CAPN13: variants seen among roughly 807,000 people sequenced by gnomAD.
CAPN13 encodes calpain-13.
Under a neutral mutation model 98.4 loss-of-function variants are expected in CAPN13, and 90 were observed. That is an observed-to-expected ratio of 0.92 (90% CI 0.77 to 1.09). The LOEUF (loss-of-function observed/expected upper bound fraction) is 1.09. Among genes scored for constraint, CAPN13 ranks in the 50% least tolerant of loss-of-function variants. CAPN13 has a pLI of 0.00. For synonymous variants in CAPN13, 330 were observed against 305.5 expected (o/e 1.08, Z -0.84); for missense variants, 887 against 841.3 (o/e 1.05, Z -0.67).
chr2:30,777,841 A>T (rs577037311), intron 2 of CAPN13, among the ~76,000 whole-genome samples: 1 of 152,200 alleles, frequency 6.6e-6, no homozygotes, highest in Non-Finnish European at 1.5e-5. Flanking sequence ...TGTAACTGAC[A>T]AGACAGGCCA....
intron 15 of CAPN13, among the ~76,000 whole-genome samples, chr2:30,739,642 T>C (rs546117747): frequency 3.6e-4 from 55 of 152,288 alleles, no homozygotes; most frequent in Non-Finnish European, 5.9e-4. Context: ...GCAGTTAGCA[T>C]GCTAATGAGG....
intron 20 of CAPN13, among the ~76,000 whole-genome samples, 180 bp from the exon 21 acceptor site, chr2:30,731,579 C>T (rs186543307): frequency 1.8e-4 from 28 of 152,258 alleles, no homozygotes; most frequent in Admixed American, 6.5e-4. Context: ...CTGCACGGGG[C>T]GAGTGGCTCA....
In CAPN13 at chr2:30,743,408, A is replaced by T. The variant is rs761622375; in HGVS notation, c.1420T>A (p.Phe474Ile). Residue 474 changes from phenylalanine to isoleucine, a missense_variant, in exon 13 of 23, where the codon TTC becomes ATC. Coordinates refer to ENST00000295055, the MANE Select transcript of CAPN13 (RefSeq NM_144575.3). ...CTGTCACTGTCTGGCATTTTCAGGA[A>T]GATTCGGAGCAAGAACTCCGCTGAT... ...RKSAEFLLRI[F>I]LKMPDSDRHL... 1.3e-5 allele frequency: 21 copies of T among 1,614,014 alleles called. No homozygotes were observed. The highest frequency in any genetic ancestry group is 1.8e-5 in the Non-Finnish European group (21 of 1,179,836).
intron 11 of CAPN13, among the ~76,000 whole-genome samples, chr2:30,747,992 A>C (rs949625955): frequency 5.3e-5 from 8 of 152,346 alleles, no homozygotes; most frequent in Non-Finnish European, 8.8e-5. Context: ...GGGTGGTTAC[A>C]ATCTTGGTAG....
chr2:30,807,305 T>C lies in CAPN13; in HGVS notation c.-36A>G, dbSNP rs527861157. 9.8e-5 allele frequency: 15 copies of C among 152,358 alleles called. No homozygotes were observed. The highest frequency in any genetic ancestry group is 1.6e-4 in the Non-Finnish European group (11 of 68,094). 9.4% of individuals were successfully genotyped at this position (152,358 alleles called of 1,614,324 possible). On this transcript the variant is annotated 5_prime_UTR_variant, in exon 1 of 23. Transcript: ENST00000295055. Reference sequence around the variant, plus strand: ...GACATGACCACGCACAACTTACCTGTTTCCTAGGCAGGTGTGTCTGATGGA... The same window carrying C: ...GACATGACCACGCACAACTTACCTGCTTCCTAGGCAGGTGTGTCTGATGGA...
At chr2:30,738,885 A>G (rs1008935536) in intron 15 of CAPN13, among the ~76,000 whole-genome samples, 1 of 150,542 alleles carries the variant, frequency 6.6e-6, no homozygotes, top group Non-Finnish European at 1.5e-5. Flanking sequence ...TGTTGTGTGT[A>G]TGTGTGTGTG....
At chr2:30,772,829 T>A (rs1005649950) in intron 4 of CAPN13, among the ~76,000 whole-genome samples, 7 of 152,016 alleles carry the variant, frequency 4.6e-5, no homozygotes, top group Non-Finnish European at 1.0e-4. Flanking sequence ...TTTCTTTTTT[T>A]TTTTTTTTGA....
chr2:30,781,956 C>T (rs529894879), intron 2 of CAPN13, among the ~76,000 whole-genome samples: 54 of 152,206 alleles, frequency 3.5e-4, no homozygotes, highest in African/African-American at 1.2e-3. Flanking sequence ...CTGAGTAATA[C>T]AGAAGCCAAC....
chr2:30,781,197 C>A (rs2148060670), intron 2 of CAPN13, among the ~76,000 whole-genome samples: 1 of 152,338 alleles, frequency 6.6e-6, no homozygotes, highest in Admixed American at 6.5e-5. Flanking sequence ...CGATTTGTTC[C>A]AGGTCACACA....
chr2:30,767,560 G>A (rs1439203201), intron 5 of CAPN13, among the ~76,000 whole-genome samples: 2 of 152,138 alleles, frequency 1.3e-5, no homozygotes, highest in African/African-American at 2.4e-5. Flanking sequence ...GGCTGAATCC[G>A]TATTGAAAAG....
chr2:30,723,463 C>G (rs1198000608), intron 22 of CAPN13, among the ~76,000 whole-genome samples: 1 of 152,078 alleles, frequency 6.6e-6, no homozygotes, highest in Admixed American at 6.6e-5. Context: ...CCTTAAAGGG[C>G]ACCCCCCCAC....
At chr2:30,800,116 A>AG (rs1675124908) in intron 1 of CAPN13, among the ~76,000 whole-genome samples, 2 of 85,596 alleles carry the variant, frequency 2.3e-5, no homozygotes, top group Non-Finnish European at 4.7e-5. Flanking sequence ...GAAAAGAAAG[A>AG]AAAGAAAGAA....
At chr2:30,796,609 G>A (rs529345474) in intron 1 of CAPN13, among the ~76,000 whole-genome samples, 1 of 152,178 alleles carries the variant, frequency 6.6e-6, no homozygotes, top group East Asian at 1.9e-4. Context: ...TAACCAAGCA[G>A]ATAGCAGAAT....
intron 20 of CAPN13, among the ~76,000 whole-genome samples, chr2:30,731,658 G>A (rs1671101147): frequency 6.6e-6 from 1 of 152,190 alleles, no homozygotes; most frequent in South Asian, 2.1e-4. Context: ...CAGCTTCCTT[G>A]CACTCCCTGC....
chr2:30,800,492 T>A (rs1675206135), intron 1 of CAPN13, among the ~76,000 whole-genome samples: 1 of 152,186 alleles, frequency 6.6e-6, no homozygotes. Context: ...AAGGTTTGCC[T>A]GACAGAAAGA....
chr2:30,751,699 G>C (rs1057235946), intron 10 of CAPN13, among the ~76,000 whole-genome samples: 5 of 152,200 alleles, frequency 3.3e-5, no homozygotes, highest in East Asian at 1.9e-4. Context: ...GAATAAGAGA[G>C]AGCGAGCTAA....
At chr2:30,745,459 C>A (rs747643341) in intron 12 of CAPN13, among the ~76,000 whole-genome samples, 4 of 152,204 alleles carry the variant, frequency 2.6e-5, no homozygotes, top group Non-Finnish European at 5.9e-5. Context: ...TCTTCTCTAT[C>A]AGAGGCCACG....
Position 30,735,689 on chromosome 2 carries a change from G to A in CAPN13, c.1722+814C>T, listed in dbSNP as rs141362483. Among the ~76,000 whole-genome samples, 287 of 152,216 alleles carry A rather than the reference G, an allele frequency of 1.9e-3. 3 individuals carry two copies. Among genetic ancestry groups the A allele is most frequent in the African/African-American group, 6.6e-3 (274 of 41,522 alleles). On this transcript the variant is annotated intron_variant, in intron 18 of 22. Coordinates refer to ENST00000295055, the MANE Select transcript of CAPN13 (RefSeq NM_144575.3). ...AAGTGACCCCTAGTCGGGGATCCGG[G>A]GATATATACTGAAATAGCCACACAG...
intron 11 of CAPN13, among the ~76,000 whole-genome samples, chr2:30,747,600 C>T (rs974226111): frequency 6.6e-5 from 10 of 152,168 alleles, no homozygotes; most frequent in African/African-American, 2.4e-4. Context: ...TCTGGTTGGA[C>T]ATAAAGCAGA....
Sources: gnomAD v4.1 joint callset for allele counts (sites outside exome capture counted in the v4.1 genomes callset) on GRCh38, gnomAD v4.1.1 for gene constraint, MANE v1.5 for transcripts, NCBI Gene and HGNC (gene_info 2026-07-23, HGNC 2026-07-21) for gene names.